Variants in THSD7B observed in about 807,000 individuals in gnomAD.
THSD7B encodes thrombospondin type 1 domain containing 7B.
In THSD7B, 138 loss-of-function variants were observed where a neutral mutation model predicts 213.6. The observed-to-expected ratio is 0.65, with a 90% CI of 0.56 to 0.74. THSD7B has a LOEUF of 0.74. THSD7B is among the 30% of genes least tolerant of loss of function. The pLI, the probability that THSD7B is intolerant of heterozygous loss-of-function variation, is 0.00. For synonymous variants in THSD7B, 742 were observed against 687.0 expected (o/e 1.08, Z -1.25); for missense variants, 1,931 against 1,991.5 (o/e 0.97, Z 0.58).
intron 3 of THSD7B, among the ~76,000 whole-genome samples, chr2:137,079,629 G>T (rs1381268326): frequency 1.3e-5 from 2 of 152,016 alleles, no homozygotes; most frequent in Non-Finnish European, 2.9e-5. Flanking sequence ...TTTATATTCT[G>T]CATGAACACA....
chr2:137,062,321 T>C (rs923921828), intron 3 of THSD7B, among the ~76,000 whole-genome samples: 4 of 151,632 alleles, frequency 2.6e-5, no homozygotes, highest in African/African-American at 9.7e-5. Context: ...TTGATTTTTT[T>C]TCTAATTTCA....
chr2:136,890,305 T>TAC (rs140886201), intron 2 of THSD7B, among the ~76,000 whole-genome samples: 1 of 30,438 alleles, frequency 3.3e-5, no homozygotes, highest in Non-Finnish European at 5.6e-5. Flanking sequence ...GTCCTACTCC[T>TAC]TCTTCTTCTT....
intron 15 of THSD7B, among the ~76,000 whole-genome samples, chr2:137,465,959 G>A (rs954671975): frequency 1.3e-5 from 2 of 152,036 alleles, no homozygotes; most frequent in Non-Finnish European, 2.9e-5. Flanking sequence ...TAAAATATAA[G>A]GTATTTCATG....
intron 14 of THSD7B, among the ~76,000 whole-genome samples, chr2:137,425,176 G>C (rs189281775): frequency 4.4e-4 from 66 of 151,722 alleles, no homozygotes; most frequent in African/African-American, 1.5e-3. Context: ...TTACATTATA[G>C]TAGGTATTAA....
At chr2:137,605,696 G>T (rs1248272445) in intron 17 of THSD7B, among the ~76,000 whole-genome samples, 1 of 108,944 alleles carries the variant, frequency 9.2e-6, no homozygotes, top group African/African-American at 3.8e-5. Flanking sequence ...TTGAGACGGA[G>T]TCCTGCTCCG....
intron 1 of THSD7B, among the ~76,000 whole-genome samples, chr2:136,794,970 G>A (rs551693031): frequency 6.6e-6 from 1 of 151,896 alleles, no homozygotes; most frequent in Admixed American, 6.6e-5. Context: ...CATTACTATA[G>A]CCATACCTGC....
intron 2 of THSD7B, among the ~76,000 whole-genome samples, chr2:136,946,779 A>G (rs1304851111): frequency 6.6e-6 from 1 of 152,118 alleles, no homozygotes; most frequent in Non-Finnish European, 1.5e-5. Flanking sequence ...TGGGTGTGGG[A>G]CCCACCGAGC....
chr2:136,880,006 C>T (rs1558836189), intron 1 of THSD7B, among the ~76,000 whole-genome samples: 1 of 152,144 alleles, frequency 6.6e-6, no homozygotes, highest in Non-Finnish European at 1.5e-5. Context: ...GACTCCTACA[C>T]AATAATAATG....
intron 17 of THSD7B, among the ~76,000 whole-genome samples, chr2:137,578,825 A>G (rs1340630927): frequency 1.3e-5 from 2 of 152,188 alleles, no homozygotes; most frequent in East Asian, 1.9e-4. Flanking sequence ...TATTCTGGCT[A>G]TATAGGTGTT....
At chr2:137,130,080 T>C (rs955692499) in intron 5 of THSD7B, among the ~76,000 whole-genome samples, 2 of 152,042 alleles carry the variant, frequency 1.3e-5, no homozygotes, top group African/African-American at 2.4e-5. Flanking sequence ...AGGAGCTACA[T>C]TGAGAGGGGA....
At chr2:137,512,363 T>A (rs1679979105) in intron 15 of THSD7B, among the ~76,000 whole-genome samples, 1 of 150,666 alleles carries the variant, frequency 6.6e-6, no homozygotes, top group South Asian at 2.1e-4. Flanking sequence ...TTTGAATGAT[T>A]ATTAGTTACA....
At chr2:136,882,057 A>T (rs1442041995) in intron 1 of THSD7B, 87 bp from the exon 2 acceptor site, 1 of 1,087,762 alleles carries the variant, frequency 9.2e-7, no homozygotes, top group Non-Finnish European at 1.2e-6. Context: ...TTGCAATACC[A>T]TCATAATAAA....
intron 15 of THSD7B, among the ~76,000 whole-genome samples, chr2:137,466,867 CTCTG>C (rs1688001811): frequency 6.6e-6 from 1 of 152,074 alleles, no homozygotes; most frequent in South Asian, 2.1e-4. Context: ...TTCTTTTCAT[CTCTG>C]TCTGTTTTGT....
At chr2:136,972,916 C>T (rs1558872326) in intron 2 of THSD7B, among the ~76,000 whole-genome samples, 1 of 152,090 alleles carries the variant, frequency 6.6e-6, no homozygotes, top group Non-Finnish European at 1.5e-5. Flanking sequence ...TAGTGAATAC[C>T]AAAGTTTGAG....
At chr2:137,537,374 T>C (rs1680527306) in intron 15 of THSD7B, among the ~76,000 whole-genome samples, 1 of 151,734 alleles carries the variant, frequency 6.6e-6, no homozygotes, top group Non-Finnish European at 1.5e-5. Context: ...GCCAAACGTA[T>C]TCTTCTTTTA....
intron 1 of THSD7B, among the ~76,000 whole-genome samples, chr2:136,804,403 AACACACACACACACAC>A (rs3030361): frequency 0.018 from 2,705 of 148,192 alleles, 75 homozygotes; most frequent in African/African-American, 0.062. Flanking sequence ...ACACACACAT[AACACACACACACACAC>A]ACACACACAC....
At chr2:136,893,317 A>G (rs148695472) in intron 2 of THSD7B, among the ~76,000 whole-genome samples, 2 of 152,220 alleles carry the variant, frequency 1.3e-5, no homozygotes, top group Admixed American at 6.5e-5. Context: ...GAGATACTGG[A>G]TTGACAATTT....
At chr2:137,623,848 A>G (rs539046769) in intron 20 of THSD7B, among the ~76,000 whole-genome samples, 29 of 152,350 alleles carry the variant, frequency 1.9e-4, no homozygotes, top group Admixed American at 1.6e-3. Flanking sequence ...CAAATGGAAG[A>G]ACATTCCATG....
At chr2:137,054,892 G>A (rs377453189) in intron 2 of THSD7B, among the ~76,000 whole-genome samples, 24 of 151,904 alleles carry the variant, frequency 1.6e-4, no homozygotes, top group South Asian at 4.2e-4. Flanking sequence ...TTTAAGCCCC[G>A]CATGCATTAG....
Sources: allele counts gnomAD v4.1 joint callset (sites outside exome capture counted in the v4.1 genomes callset), GRCh38; gene constraint gnomAD v4.1.1; transcripts MANE v1.5; gene names NCBI Gene and HGNC (gene_info 2026-07-23, HGNC 2026-07-21).